The following KCNQ1 variants were observed in gnomAD, a reference collection of about 807,000 sequenced individuals.
The protein encoded by KCNQ1 is potassium voltage-gated channel subfamily KQT member 1.
A neutral mutation model predicts 72.4 loss-of-function variants in KCNQ1; 49 were observed. That is an observed-to-expected ratio of 0.68 (90% CI 0.54 to 0.86). KCNQ1 has a LOEUF of 0.86. Among genes scored for constraint, KCNQ1 ranks in the 40% least tolerant of loss-of-function variants. KCNQ1 has a pLI of 0.00. For synonymous variants in KCNQ1, 450 were observed against 412.6 expected, an observed-to-expected ratio of 1.09 and a Z score of -1.10; for missense variants, 790 against 945.1, an observed-to-expected ratio of 0.84 and a Z score of 2.15.
rs542662962 is a variant in KCNQ1 at position 2,581,725 on chromosome 11, G to A, written c.922-1710G>A. On this transcript the variant is annotated intron_variant, in intron 6 of 15. Transcript: ENST00000155840. Reference sequence around the variant, plus strand: ...TGCCGGGTCGTGTGTTTCCGTGTGTGTGTGCACAAGCACAGACACGTGCAC... The same window carrying A: ...TGCCGGGTCGTGTGTTTCCGTGTGTATGTGCACAAGCACAGACACGTGCAC... 9.2e-5 allele frequency among the ~76,000 whole-genome samples: 14 copies of A among 152,370 alleles called. No individual in the cohort carries two copies. In the South Asian group the frequency reaches 2.9e-3, roughly 32 times the overall value.
chr11:2,618,512 A>G (rs1180868280), intron 10 of KCNQ1: 3 of 398,432 alleles, frequency 7.5e-6, no homozygotes, highest in Admixed American at 4.4e-5. Context: ...TTGATCATAT[A>G]TCTTTGAATT....
At chr11:2,589,095 G>GGGGT (rs1333494675) in intron 10 of KCNQ1, among the ~76,000 whole-genome samples, 1 of 152,230 alleles carries the variant, frequency 6.6e-6, no homozygotes, top group Non-Finnish European at 1.5e-5. Flanking sequence ...GGCAGGTGAT[G>GGGGT]GGGTGGGTCG....
chr11:2,649,366 C>T, intron 10 of KCNQ1: 2 of 398,142 alleles, frequency 5.0e-6, no homozygotes, highest in East Asian at 7.1e-5. Flanking sequence ...ATTTGTGTAT[C>T]TGCTCTACTA....
Position 2,827,521 on chromosome 11 carries a change from G to A in KCNQ1, c.1795-20246G>A, listed in dbSNP as rs905327101. On this transcript the variant is annotated intron_variant, in intron 15 of 15. Coordinates refer to ENST00000155840, the MANE Select transcript of KCNQ1 (RefSeq NM_000218.3). This position sits in a 1 kb window ranked among gnomAD's most constrained non-coding sequence, Gnocchi z 6.7. ...ACGTCATCCCCCTTTCTGTCCACCC[G>A]CCGGAATGTGACGCACGCCTGAGTC... 3.9e-5 allele frequency among the ~76,000 whole-genome samples: 6 copies of A among 151,908 alleles called. No homozygotes were observed. The highest frequency in any genetic ancestry group is 7.4e-5 in the Non-Finnish European group (5 of 67,996).
In KCNQ1 at chr11:2,624,521, G is replaced by T. The variant is rs1849231420; in HGVS notation, c.1393+35667G>T. 2.5e-6 allele frequency: 1 copy of T among 398,208 alleles called. No individual in the cohort carries two copies. Among genetic ancestry groups the T allele is most frequent in the Non-Finnish European group, 4.4e-6 (1 of 225,974 alleles). The allele number at this position is 398,208 out of a possible 1,614,324, so 24.7% of individuals were successfully genotyped here. On this transcript the variant is annotated intron_variant, in intron 10 of 15. Transcript: ENST00000155840. The surrounding 1 kb of genome is among the most constrained non-coding windows in gnomAD (Gnocchi z 4.9). ...AAAGATCATCTAGATTTCTTCCTAT[G>T]TTATCTTCTGGGATTTCTATTTGTT...
At chr11:2,465,048 G>A (rs934647115) in intron 1 of KCNQ1, among the ~76,000 whole-genome samples, 5 of 152,172 alleles carry the variant, frequency 3.3e-5, no homozygotes, top group African/African-American at 9.7e-5. Context: ...AATGGGTAAC[G>A]GCCGCTCCTT....
rs1848442142 is a variant in KCNQ1, at chr11:2,577,592, G to GT, written c.921+4609dup. Among the ~76,000 whole-genome samples, 7 of 152,328 alleles carry GT rather than the reference G, an allele frequency of 4.6e-5. No individual in the cohort carries two copies. The South Asian group carries it at 1.2e-3, about 27-fold the overall frequency. On this transcript the variant is annotated intron_variant, in intron 6 of 15. Transcript: ENST00000155840. ...GCCTGGCCCTCGTGAATTGGTGTTC[G>GT]TTTATTTACTTTCTCCTGCTGAAAG...
chr11:2,533,772 G>A (rs1457216233), intron 2 of KCNQ1, among the ~76,000 whole-genome samples: 2 of 152,186 alleles, frequency 1.3e-5, no homozygotes, highest in Non-Finnish European at 2.9e-5. Flanking sequence ...CCCTGCCCTG[G>A]CCCAGGTGAG....
chr11:2,732,829 G>T (rs1590058327), intron 11 of KCNQ1, among the ~76,000 whole-genome samples: 1 of 151,960 alleles, frequency 6.6e-6, no homozygotes, highest in African/African-American at 2.4e-5. Context: ...ACCCACTGGG[G>T]CCCAGGGAGG....
At chr11:2,569,311 C>T (rs1410312794) in intron 2 of KCNQ1, among the ~76,000 whole-genome samples, 1 of 152,262 alleles carries the variant, frequency 6.6e-6, no homozygotes, top group Non-Finnish European at 1.5e-5. Context: ...CAACTAAGCT[C>T]CCAGCGTGTC....
Position 2,516,345 on chromosome 11 carries a change from C to A in KCNQ1, c.387-11583C>A, listed in dbSNP as rs774580501. Reference sequence around the variant, plus strand: ...TGGGCTTTAAATGGCTCAGTCCCAGCGTCCCCTCATGCCTGGGACCGCTGA... The same window carrying A: ...TGGGCTTTAAATGGCTCAGTCCCAGAGTCCCCTCATGCCTGGGACCGCTGA... On this transcript the variant is annotated intron_variant, in intron 1 of 15. Transcript: ENST00000155840. This position sits in a 1 kb window ranked among gnomAD's most constrained non-coding sequence, Gnocchi z 7.0. 6.6e-6 allele frequency among the ~76,000 whole-genome samples: 1 copy of A among 152,010 alleles called. No individual in the cohort carries two copies. The highest frequency in any genetic ancestry group is 1.5e-5 in the Non-Finnish European group (1 of 68,012).
chr11:2,455,503 TC>T lies in KCNQ1; in HGVS notation c.386+10020del. ...AAAGAATAAAATACCCAGGAATACA[TC>T]TAACCAAGGAGGTGAAAGATCTCTA... is the stretch of plus-strand genomic sequence containing the variant. On this transcript the variant is annotated intron_variant, in intron 1 of 15. Transcript: ENST00000155840. Among the ~76,000 whole-genome samples the T allele has an allele frequency of 4.6e-5, 7 of 152,214 alleles. No homozygotes were observed. The South Asian group carries it at 1.5e-3, about 32-fold the overall frequency.
At chr11:2,693,795 A>C in intron 11 of KCNQ1, 1 of 398,780 alleles carries the variant, frequency 2.5e-6, no homozygotes, top group Non-Finnish European at 4.4e-6. Context: ...TCAGAGGAGC[A>C]TGGCACAGGC....
At chr11:2,705,120 C>T (rs952159133) in intron 11 of KCNQ1, among the ~76,000 whole-genome samples, 1 of 152,214 alleles carries the variant, frequency 6.6e-6, no homozygotes, top group Admixed American at 6.5e-5. Flanking sequence ...AGCCCCCATG[C>T]AAGAGCAGCC....
rs576295297 is a variant in KCNQ1 at position 2,447,983 on chromosome 11, A to G, written c.386+2499A>G. ...CCTCCCTGGGCTGGCCGGGGTGGACACGGCACCTGGGCCACAACTCTTGCC... is the reference window on the plus strand; with the variant it reads ...CCTCCCTGGGCTGGCCGGGGTGGACGCGGCACCTGGGCCACAACTCTTGCC... On this transcript the variant is annotated intron_variant, in intron 1 of 15. Transcript: ENST00000155840. The surrounding 1 kb of genome is among the most constrained non-coding windows in gnomAD (Gnocchi z 7.6). Among the ~76,000 whole-genome samples the G allele has an allele frequency of 6.6e-6, 1 of 152,132 alleles. No homozygotes were observed. The highest frequency in any genetic ancestry group is 2.1e-4 in the South Asian group (1 of 4,826).
chr11:2,746,209 A>G lies in KCNQ1; in HGVS notation c.1515-22635A>G, dbSNP rs564980836. On this transcript the variant is annotated intron_variant, in intron 11 of 15. Transcript: ENST00000155840. This position sits in a 1 kb window ranked among gnomAD's most constrained non-coding sequence, Gnocchi z 5.9. ...CCAGCCTCTTGCCGTCATTTTTTTT[A>G]TTTTAAATAAACTTTGATTTTAGAA... 6.6e-6 allele frequency among the ~76,000 whole-genome samples: 1 copy of G among 151,978 alleles called. No homozygotes were observed. Among genetic ancestry groups the G allele is most frequent in the Non-Finnish European group, 1.5e-5 (1 of 67,994 alleles).
In KCNQ1 at chr11:2,642,715, G is replaced by A. The variant is rs1302129594; in HGVS notation, c.1394-19246G>A. On this transcript the variant is annotated intron_variant, in intron 10 of 15. Transcript: ENST00000155840. This position sits in a 1 kb window ranked among gnomAD's most constrained non-coding sequence, Gnocchi z 4.3. ...CTTCTACTAATTTTATGTTTAGTATGGTTTGTTCTTGCTTTTCTGGTTCCT... is the reference window on the plus strand; with the variant it reads ...CTTCTACTAATTTTATGTTTAGTATAGTTTGTTCTTGCTTTTCTGGTTCCT... The A allele has an allele frequency of 5.0e-6, 2 of 397,618 alleles. No homozygotes were observed. The highest frequency in any genetic ancestry group is 4.4e-5 in the Admixed American group (1 of 22,690). 24.6% of individuals were successfully genotyped at this position (397,618 alleles called of 1,614,324 possible).
At chr11:2,699,825 G>C (rs1412517059) in intron 11 of KCNQ1, 2 of 396,028 alleles carry the variant, frequency 5.1e-6, no homozygotes, top group African/African-American at 4.2e-5. Flanking sequence ...GATGACTGAC[G>C]CACCGAGGAG....
At chr11:2,835,950 C>T (rs560295679) in intron 15 of KCNQ1, among the ~76,000 whole-genome samples, 4 of 151,980 alleles carry the variant, frequency 2.6e-5, no homozygotes, top group East Asian at 1.9e-4. Flanking sequence ...TGATCGGGCC[C>T]GGTCAGTGGT....
Sources: gnomAD v4.1 joint callset for allele counts (sites outside exome capture counted in the v4.1 genomes callset) on GRCh38, gnomAD v4.1.1 for gene constraint, Gnocchi (gnomAD v3.1) non-coding constraint, MANE v1.5 for transcripts, NCBI Gene and HGNC (gene_info 2026-07-23, HGNC 2026-07-21) for gene names.